The following PCDHAC1 variants were observed in gnomAD, a reference collection of about 807,000 sequenced individuals.
PCDHAC1 encodes protocadherin alpha-C1.
A neutral mutation model predicts 60.0 loss-of-function variants in PCDHAC1; 42 were observed. The ratio of observed to expected loss-of-function variants is 0.70; its 90% confidence interval spans 0.55 to 0.90. The LOEUF (loss-of-function observed/expected upper bound fraction) is 0.90. Ranked by LOEUF, PCDHAC1 falls within the 40% of genes least tolerant of loss-of-function variation. PCDHAC1 has a pLI of 0.00. For synonymous variants in PCDHAC1, 468 were observed against 499.3 expected, an observed-to-expected ratio of 0.94 and a Z score of 0.84; for missense variants, 1,160 against 1,222.3, an observed-to-expected ratio of 0.95 and a Z score of 0.76.
intron 1 of PCDHAC1, among the ~76,000 whole-genome samples, chr5:140,947,597 G>A (rs1231530518): frequency 1.3e-5 from 2 of 151,586 alleles, no homozygotes; most frequent in African/African-American, 4.8e-5. Context: ...TCAATTTAGG[G>A]AAGATTTGGT....
chr5:140,931,693 A>G (rs1001252056), intron 1 of PCDHAC1, among the ~76,000 whole-genome samples: 1 of 152,004 alleles, frequency 6.6e-6, no homozygotes, highest in African/African-American at 2.4e-5. Context: ...ATTGTGATTC[A>G]TAAAACCATG....
At chr5:140,930,778 T>G (rs891094443) in intron 1 of PCDHAC1, among the ~76,000 whole-genome samples, 1 of 152,200 alleles carries the variant, frequency 6.6e-6, no homozygotes, top group African/African-American at 2.4e-5. Flanking sequence ...CTTAATATTT[T>G]CACAATATAA....
intron 1 of PCDHAC1, among the ~76,000 whole-genome samples, chr5:140,975,776 A>G (rs1554237009): frequency 1.3e-5 from 2 of 152,152 alleles, no homozygotes; most frequent in African/African-American, 2.4e-5. Flanking sequence ...AGATAATACC[A>G]TTACAAGATA....
chr5:140,967,888 G>A, intron 1 of PCDHAC1: 1 of 1,614,138 alleles, frequency 6.2e-7, no homozygotes, highest in South Asian at 1.1e-5. Context: ...ATAGCCCAGT[G>A]CCTGAGAATG....
chr5:140,966,206 T>C, intron 1 of PCDHAC1: 1 of 227,662 alleles, frequency 4.4e-6, no homozygotes, highest in Non-Finnish European at 8.5e-6. Context: ...GCTTGACTGC[T>C]TTTCCCAGAC....
At chr5:140,991,505 G>T (rs2097456335) in intron 3 of PCDHAC1, among the ~76,000 whole-genome samples, 1 of 152,180 alleles carries the variant, frequency 6.6e-6, no homozygotes, top group Admixed American at 6.5e-5. Context: ...AGTTTCACTG[G>T]CTAAAATCAA....
chr5:141,010,031 A>G lies in PCDHAC1; in HGVS notation c.*94A>G, dbSNP rs113710382. The stretch of plus-strand genomic sequence containing the variant: ...TTCCCTGCTCCTTTTTCCTATCTAC[A>G]TGAGCCCTCTTAGAGACCTCAGAAA... On this transcript the variant is annotated 3_prime_UTR_variant, in exon 4 of 4. Transcript: ENST00000253807. 1.9e-6 allele frequency: 3 copies of G among 1,581,690 alleles called. No individual in the cohort carries two copies. The highest frequency in any genetic ancestry group is 2.6e-6 in the Non-Finnish European group (3 of 1,166,446).
Position 140,928,020 on chromosome 5 carries a change from T to G in PCDHAC1, c.1128T>G (p.Ile376Met). The change falls in exon 1 of 4, where the codon ATT becomes ATG. Residue 376 changes from isoleucine (I) to methionine (M), a missense_variant. This residue lies in a region of PCDHAC1 where 1,113 missense variants were observed against 1,163.7 expected (regional missense o/e 0.96). Coordinates refer to ENST00000253807, the MANE Select transcript of PCDHAC1 (RefSeq NM_018898.5). ...ACCTCGATTCTAATGGTAGGGTCAT[T>G]TGTGGCATGTCTAGTGCAGGCCCTT... ...DEDLDSNGRV[I>M]CGMSSAGPFQ... The G allele has an allele frequency of 1.2e-6, 2 of 1,614,182 alleles. No homozygotes were observed. The highest frequency in any genetic ancestry group is 1.6e-4 in the Middle Eastern group (1 of 6,062).
intron 1 of PCDHAC1, among the ~76,000 whole-genome samples, chr5:140,955,549 C>T (rs1216178805): frequency 6.6e-6 from 1 of 152,140 alleles, no homozygotes; most frequent in Non-Finnish European, 1.5e-5. Context: ...TTCTTGAGGC[C>T]TCCCCAGCCA....
rs957445106 is a variant in PCDHAC1, at chr5:140,980,862, G to A, written c.2493-1613G>A. Among the ~76,000 whole-genome samples the A allele has an allele frequency of 5.1e-4, 77 of 152,202 alleles. 2 individuals are homozygous for A. Among genetic ancestry groups the A allele is most frequent in the African/African-American group, 1.7e-3 (72 of 41,546 alleles). ...AATAATACTAATCTTTTTCGTATGT[G>A]TGCTTGGGTGTTCTCGGTCTTTCCA... On this transcript the variant is annotated intron_variant, in intron 2 of 3. Coordinates refer to ENST00000253807, the MANE Select transcript of PCDHAC1 (RefSeq NM_018898.5).
intron 1 of PCDHAC1, among the ~76,000 whole-genome samples, chr5:140,962,524 G>T (rs1410879766): frequency 6.6e-6 from 1 of 152,012 alleles, no homozygotes; most frequent in Non-Finnish European, 1.5e-5. Flanking sequence ...TAATATATTA[G>T]TTTTTTAGAA....
chr5:140,984,712 G>A (rs2097116348), intron 3 of PCDHAC1, among the ~76,000 whole-genome samples: 1 of 152,096 alleles, frequency 6.6e-6, no homozygotes, highest in Non-Finnish European at 1.5e-5. Context: ...AGGGAATATG[G>A]CATAAAGATT....
intron 3 of PCDHAC1, among the ~76,000 whole-genome samples, chr5:141,003,622 A>G (rs1554259173): frequency 6.6e-6 from 1 of 152,196 alleles, no homozygotes; most frequent in Non-Finnish European, 1.5e-5. Context: ...CCCAGAGGGC[A>G]GTTTTTAAAG....
Position 140,928,898 on chromosome 5 carries a change from A to T in PCDHAC1, c.2006A>T (p.Asp669Val), listed in dbSNP as rs782530169. ...CCTCAGTTACTTCCAGACTTTGAAGATGTCTGGGAACCAGGAGGGCAGCTT... is the reference window on the plus strand; with the variant it reads ...CCTCAGTTACTTCCAGACTTTGAAGTTGTCTGGGAACCAGGAGGGCAGCTT... ...SVPQLLPDFE[D>V]VWEPGGQLSA... Residue 669 changes from aspartate (D) to valine (V), a missense_variant, in exon 1 of 4, where the codon GAT (aspartate) becomes GTT (valine). Physicochemically the swap from Asp to Val is radical, Grantham distance 152. Around this residue, in one of 3 missense-constraint regions of PCDHAC1, gnomAD observed 1,113 missense variants for 1,163.7 expected, o/e 0.96. Coordinates refer to ENST00000253807, the MANE Select transcript of PCDHAC1 (RefSeq NM_018898.5). 77 of 1,614,004 alleles carry T rather than the reference A, an allele frequency of 4.8e-5. No individual in the cohort carries two copies. The African/African-American group carries it at 7.2e-4, about 15-fold the overall frequency.
At chr5:140,935,850 G>A (rs2090589549) in intron 1 of PCDHAC1, among the ~76,000 whole-genome samples, 1 of 149,422 alleles carries the variant, frequency 6.7e-6, no homozygotes, top group South Asian at 2.1e-4. Context: ...GCTTAATGGT[G>A]TCTTTTGATT....
At chr5:140,949,657 T>G (rs908826690) in intron 1 of PCDHAC1, among the ~76,000 whole-genome samples, 2 of 151,876 alleles carry the variant, frequency 1.3e-5, no homozygotes, top group Non-Finnish European at 3.0e-5. Flanking sequence ...TTTACTTTTG[T>G]TTCTTTAAAG....
chr5:140,998,855 C>T (rs544471391), intron 3 of PCDHAC1, among the ~76,000 whole-genome samples: 63 of 152,320 alleles, frequency 4.1e-4, no homozygotes, highest in Admixed American at 2.1e-3. Context: ...GAGCCACATG[C>T]CTGGCCTTGT....
intron 1 of PCDHAC1, among the ~76,000 whole-genome samples, chr5:140,939,737 G>GTA (rs1554212873): frequency 6.6e-6 from 1 of 152,160 alleles, no homozygotes; most frequent in Non-Finnish European, 1.5e-5. Flanking sequence ...GTGTAGCTGT[G>GTA]TATCATTCAT....
At chr5:140,967,252 G>A (rs199714982) in intron 1 of PCDHAC1, 1 of 1,613,504 alleles carries the variant, frequency 6.2e-7, no homozygotes, top group Non-Finnish European at 8.5e-7. Flanking sequence ...AATCGGTGGC[G>A]CCTGGAGCGC....
Sources: allele counts gnomAD v4.1 joint callset (sites outside exome capture counted in the v4.1 genomes callset), GRCh38; gene constraint gnomAD v4.1.1; regional missense constraint gnomAD v4.1.1; transcripts MANE v1.5; gene names NCBI Gene and HGNC (gene_info 2026-07-23, HGNC 2026-07-21).